Variants in SLC35H1 observed in about 807,000 individuals in gnomAD.
SLC35H1 encodes the protein ovarian cancer-overexpressed gene 1 protein.
the SLC35H1 span, chr20:46,357,851 C>A: frequency 6.5e-7 from 1 of 1,541,114 alleles, no homozygotes; most frequent in South Asian, 1.2e-5. Context: ...CCTCTTCGCC[C>A]CTCTGCTGGA....
chr20:46,360,247 G>T, the SLC35H1 span, among the ~76,000 whole-genome samples: 2 of 152,140 alleles, frequency 1.3e-5, no homozygotes. Flanking sequence ...AGACGCCTAT[G>T]TACAATGAAG....
At chr20:46,346,044 G>T in the SLC35H1 span, 1 of 152,210 alleles carries the variant, frequency 6.6e-6, no homozygotes, top group Non-Finnish European at 1.5e-5. Flanking sequence ...ACCGGCCAGG[G>T]CACATTGTAG....
the SLC35H1 span, chr20:46,357,757 A>T: frequency 6.2e-7 from 1 of 1,614,030 alleles, no homozygotes; most frequent in Non-Finnish European, 8.5e-7. Flanking sequence ...CGTCATGAAG[A>T]GGGGGAAATG....
the SLC35H1 span, among the ~76,000 whole-genome samples, chr20:46,360,523 T>C: frequency 3.5e-4 from 51 of 147,326 alleles, no homozygotes; most frequent in Non-Finnish European, 3.9e-4. Context: ...TTTTATGTTA[T>C]AGGGCATGGT....
the SLC35H1 span, chr20:46,355,317 G>A: frequency 6.7e-7 from 1 of 1,493,128 alleles, no homozygotes; most frequent in East Asian, 2.5e-5. This position sits in a 1 kb window ranked among gnomAD's most constrained non-coding sequence, Gnocchi z 4.8. Flanking sequence ...GGAGCCTGGG[G>A]TCAGCAGCCA....
the SLC35H1 span, among the ~76,000 whole-genome samples, chr20:46,359,921 G>C: frequency 6.6e-6 from 1 of 152,186 alleles, no homozygotes; most frequent in African/African-American, 2.4e-5. Context: ...TGGAACTCTT[G>C]TTACTATTTC....
the SLC35H1 span, chr20:46,355,182 G>A: frequency 1.2e-6 from 2 of 1,614,102 alleles, no homozygotes; most frequent in African/African-American, 2.7e-5. The surrounding 1 kb of genome is among the most constrained non-coding windows in gnomAD (Gnocchi z 4.8). Flanking sequence ...GTGTGGACTT[G>A]TAGGTGAACA....
chr20:46,355,528 C>T, the SLC35H1 span, among the ~76,000 whole-genome samples: 19 of 152,324 alleles, frequency 1.2e-4, no homozygotes, highest in African/African-American at 3.8e-4. This position sits in a 1 kb window ranked among gnomAD's most constrained non-coding sequence, Gnocchi z 4.8. Flanking sequence ...ACACACAGGG[C>T]TACTGCCTCC....
At chr20:46,356,440 G>A in the SLC35H1 span, 1 of 831,936 alleles carries the variant, frequency 1.2e-6, no homozygotes, top group Non-Finnish European at 2.0e-6. Flanking sequence ...GGGTGCCAGG[G>A]AGAGGCTGAG....
At chr20:46,355,100 G>C in the SLC35H1 span, 1 of 1,614,144 alleles carries the variant, frequency 6.2e-7, no homozygotes, top group Non-Finnish European at 8.5e-7. The surrounding 1 kb of genome is among the most constrained non-coding windows in gnomAD (Gnocchi z 4.8). Context: ...AGGAGCATCT[G>C]GGTGAGGGTC....
chr20:46,346,497 T>A, the SLC35H1 span: 1 of 152,122 alleles, frequency 6.6e-6, no homozygotes, highest in Non-Finnish European at 1.5e-5. Flanking sequence ...AACAAGCATC[T>A]GGGCCGGGTG....
chr20:46,352,358 A>G, the SLC35H1 span: 1 of 792,844 alleles, frequency 1.3e-6, no homozygotes, highest in Non-Finnish European at 2.0e-6. Flanking sequence ...TGCAGCCCAG[A>G]GAAAAAGCAT....
the SLC35H1 span, chr20:46,347,165 A>T: frequency 1.3e-5 from 2 of 152,262 alleles, no homozygotes; most frequent in African/African-American, 4.8e-5. Flanking sequence ...GGCTCGGAGA[A>T]GATCAGCAAC....
the SLC35H1 span, chr20:46,358,808 T>C: frequency 8.0e-7 from 1 of 1,244,158 alleles, no homozygotes; most frequent in South Asian, 1.3e-5. Flanking sequence ...GCAGAGACTG[T>C]GCTTCTCGTA....
chr20:46,356,576 C>G, the SLC35H1 span: 2 of 1,614,048 alleles, frequency 1.2e-6, no homozygotes, highest in South Asian at 1.1e-5. Flanking sequence ...GTACTCACAG[C>G]GAGACGGTGA....
the SLC35H1 span, among the ~76,000 whole-genome samples, chr20:46,361,926 C>T: frequency 6.6e-6 from 1 of 152,226 alleles, no homozygotes; most frequent in Non-Finnish European, 1.5e-5. Flanking sequence ...GCTTTTGCTG[C>T]ATTTCCTGCT....
the SLC35H1 span, among the ~76,000 whole-genome samples, chr20:46,351,395 C>A: frequency 1.3e-5 from 2 of 152,242 alleles, no homozygotes; most frequent in South Asian, 4.1e-4. Flanking sequence ...GACCCTTGGA[C>A]AGGCCTGCAT....
At chr20:46,361,044 T>C in the SLC35H1 span, among the ~76,000 whole-genome samples, 8 of 152,184 alleles carry the variant, frequency 5.3e-5, no homozygotes, top group Non-Finnish European at 8.8e-5. Context: ...GTCTTCCCAA[T>C]ATATGCCCCG....
chr20:46,363,397 C>T, the SLC35H1 span, among the ~76,000 whole-genome samples: 1 of 152,208 alleles, frequency 6.6e-6, no homozygotes, highest in Non-Finnish European at 1.5e-5. Context: ...GGTAGCTGCA[C>T]TCCAAATATC....
Sources: gnomAD v4.1 joint callset for allele counts (sites outside exome capture counted in the v4.1 genomes callset) on GRCh38, gnomAD v4.1.1 for gene constraint, Gnocchi (gnomAD v3.1) non-coding constraint, MANE v1.5 for transcripts, NCBI Gene and HGNC (gene_info 2026-07-23, HGNC 2026-07-21) for gene names.